The following VPS13B variants were observed in gnomAD, a reference collection of about 807,000 sequenced individuals.
The protein encoded by VPS13B is intermembrane lipid transfer protein VPS13B.
VPS13B carries 285 observed loss-of-function variants against 426.4 expected under a neutral mutation model. That is an observed-to-expected ratio of 0.67 (90% CI 0.61 to 0.74). The LOEUF (loss-of-function observed/expected upper bound fraction) is 0.74, where lower values mean the gene tolerates loss of function less well. Ranked by LOEUF, VPS13B falls within the 30% of genes least tolerant of loss-of-function variation. The pLI is 0.00. For missense variants in VPS13B, 4,537 were observed against 4,782.6 expected, an observed-to-expected ratio of 0.95 and a Z score of 1.51; for synonymous variants, 1,676 against 1,676.4, an observed-to-expected ratio of 1.00 and a Z score of 0.01.
chr8:99,544,597 G>T (rs867901710), intron 30 of VPS13B, among the ~76,000 whole-genome samples: 1 of 152,096 alleles, frequency 6.6e-6, no homozygotes, highest in Middle Eastern at 3.4e-3. Flanking sequence ...ATTGAATTGT[G>T]GAAAGAATTC....
intron 17 of VPS13B, among the ~76,000 whole-genome samples, chr8:99,212,782 A>G (rs1563606618): frequency 1.3e-5 from 2 of 152,116 alleles, no homozygotes; most frequent in Admixed American, 6.5e-5. Flanking sequence ...TCCTTATGAT[A>G]TGATTCTTTT....
Position 99,233,328 on chromosome 8 carries a change from T to G in VPS13B, c.2515+40271T>G, listed in dbSNP as rs538731419. The G allele has an allele frequency of 7.1e-5, 77 of 1,081,660 alleles. 1 individual carries two copies. In the African/African-American group the frequency reaches 1.1e-3, roughly 15 times the overall value. The allele number at this position is 1,081,660 out of a possible 1,614,324, so 67.0% of individuals were successfully genotyped here. A position where few individuals can be genotyped will look rare whatever the true frequency, so the allele number is the denominator to read the frequency against. ...CTCTGATATGGGCTTCCAGCTTCAC[T>G]TCTTCTTTGGGGTTAAAGAAGTTTT... On this transcript the variant is annotated intron_variant, in intron 17 of 61. Coordinates refer to ENST00000357162, the MANE Select transcript of VPS13B (RefSeq NM_152564.5).
chr8:99,483,874 T>C (rs1820169146), intron 25 of VPS13B, among the ~76,000 whole-genome samples: 1 of 152,058 alleles, frequency 6.6e-6, no homozygotes, highest in African/African-American at 2.4e-5. Flanking sequence ...ATACAAGGTA[T>C]AGTGTGAATC....
intron 40 of VPS13B, among the ~76,000 whole-genome samples, chr8:99,772,660 A>G (rs4735645): frequency 0.046 from 6,987 of 152,304 alleles, 172 homozygotes; most frequent in African/African-American, 0.061. Context: ...AGAAAATAGT[A>G]TGCATCATAT....
In VPS13B at chr8:99,868,599, TAC is replaced by T. The variant is rs1817224873; in HGVS notation, c.11392+138_11392+139del. On this transcript the variant is annotated intron_variant, in intron 59 of 61. Coordinates refer to ENST00000357162, the MANE Select transcript of VPS13B (RefSeq NM_152564.5). Reference sequence around the variant, plus strand: ...TCTTTCTTACCTCTCTATGCTTATTTACACAGAGTAGAATTTTACTACTAATA... The same window carrying T: ...TCTTTCTTACCTCTCTATGCTTATTTACAGAGTAGAATTTTACTACTAATA... 38 of 1,051,702 alleles carry T rather than the reference TAC, an allele frequency of 3.6e-5. 2 individuals carry two copies. In the South Asian group the frequency reaches 5.5e-4, roughly 15 times the overall value. The allele number at this position is 1,051,702 out of a possible 1,614,324, so 65.1% of individuals were successfully genotyped here.
At chr8:99,747,525 G>A (rs1364308176) in intron 39 of VPS13B, among the ~76,000 whole-genome samples, 1 of 151,954 alleles carries the variant, frequency 6.6e-6, no homozygotes, top group Non-Finnish European at 1.5e-5. Context: ...TTTTCATTCA[G>A]AAGTAAAATC....
chr8:99,642,646 T>A, intron 34 of VPS13B, 148 bp downstream of exon 34: 2 of 710,632 alleles, frequency 2.8e-6, no homozygotes, highest in Admixed American at 5.3e-5. Context: ...CACAGCTGAA[T>A]CCTGTTTAAG....
chr8:99,699,654 C>G lies in VPS13B; in HGVS notation c.6176C>G (p.Ala2059Gly), dbSNP rs756627020. 1.2e-6 allele frequency: 2 copies of G among 1,614,086 alleles called. No homozygotes were observed. Among genetic ancestry groups the G allele is most frequent in the Non-Finnish European group, 8.5e-7 (1 of 1,180,010 alleles). Residue 2059 changes from alanine (A) to glycine (G), a missense_variant, in exon 36 of 62, where the codon GCC becomes GGC. By Grantham distance (60) the Ala-to-Gly change is moderately conservative. Transcript: ENST00000357162. ...TTGGCACATAGTGAAGAGACTTCAG[C>G]CATGTCCAACACCATGGTGAATAAG... ...HSLAHSEETSAMSNTMVNKDD... is the reference protein window; with the variant it reads ...HSLAHSEETSGMSNTMVNKDD...
chr8:99,838,238 A>G (rs988490108), intron 54 of VPS13B, among the ~76,000 whole-genome samples: 13 of 152,186 alleles, frequency 8.5e-5, no homozygotes, highest in Non-Finnish European at 8.8e-5. Flanking sequence ...TGGTGCTCAT[A>G]CCCATGATTT....
At chr8:99,363,128 G>A (rs1588294137) in intron 19 of VPS13B, among the ~76,000 whole-genome samples, 1 of 152,184 alleles carries the variant, frequency 6.6e-6, no homozygotes, top group Non-Finnish European at 1.5e-5. Flanking sequence ...TAGTTTCGTA[G>A]TTTGAGGTCT....
At position 99,853,469 on chromosome 8, in the gene VPS13B, T is replaced by TA. The variant is rs386834055; in HGVS notation, c.10081dup (p.Thr3361AsnfsTer3). On this transcript the variant is annotated frameshift_variant, in exon 56 of 62. Transcript: ENST00000357162. LOFTEE classifies it high-confidence loss of function. ...CCTCTAGAGCGCCAGAGAAGATTGTTACATTTAAAATGTTCATCACTCAGT... is the reference window on the plus strand; with the variant it reads ...CCTCTAGAGCGCCAGAGAAGATTGTTAACATTTAAAATGTTCATCACTCAGT... 27 of 1,614,228 alleles carry TA rather than the reference T, an allele frequency of 1.7e-5. No individual in the cohort carries two copies. Among genetic ancestry groups the TA allele is most frequent in the Middle Eastern group, 3.3e-4 (2 of 6,062 alleles).
At chr8:99,393,534 C>T (rs1369796706) in intron 21 of VPS13B, among the ~76,000 whole-genome samples, 1 of 151,984 alleles carries the variant, frequency 6.6e-6, no homozygotes, top group East Asian at 1.9e-4. Flanking sequence ...TGTTCCCCCA[C>T]CTTTAGAACC....
chr8:99,425,599 A>T (rs1816652053), intron 21 of VPS13B, among the ~76,000 whole-genome samples: 1 of 152,206 alleles, frequency 6.6e-6, no homozygotes, highest in Non-Finnish European at 1.5e-5. Flanking sequence ...ACAAACCCAC[A>T]GCCAATATCA....
At chr8:99,115,987 TG>T (rs766034036) in intron 7 of VPS13B, 113 bp downstream of exon 7, 68 of 1,093,296 alleles carry the variant, frequency 6.2e-5, no homozygotes, top group Non-Finnish European at 7.6e-5. Context: ...TCTAATGAGA[TG>T]GGCTGATTGT....
intron 44 of VPS13B, among the ~76,000 whole-genome samples, chr8:99,814,796 C>T (rs967215183): frequency 8.5e-5 from 13 of 152,250 alleles, no homozygotes; most frequent in Middle Eastern, 3.4e-3. Context: ...GAGAGAACAG[C>T]TATTGGGAAG....
intron 17 of VPS13B, chr8:99,234,518 G>A: frequency 4.0e-6 from 2 of 500,560 alleles, no homozygotes; most frequent in Non-Finnish European, 8.0e-6. Context: ...GGCTTCCGCG[G>A]GGTTGGGGTT....
At chr8:99,397,852 C>T (rs1438881638) in intron 21 of VPS13B, among the ~76,000 whole-genome samples, 2 of 152,158 alleles carry the variant, frequency 1.3e-5, no homozygotes, top group African/African-American at 2.4e-5. Flanking sequence ...ATACTCTTGA[C>T]TAGAAGCTAG....
chr8:99,723,613 T>C lies in VPS13B; in HGVS notation c.7050+2566T>C, dbSNP rs183506484. On this transcript the variant is annotated intron_variant, in intron 39 of 61. Coordinates refer to ENST00000357162, the MANE Select transcript of VPS13B (RefSeq NM_152564.5). Reference sequence around the variant, plus strand: ...AAGCACAGGCTAGACCAAGGAGATCTGGAGTATGATGGATGACTCTACAGA... The same window carrying C: ...AAGCACAGGCTAGACCAAGGAGATCCGGAGTATGATGGATGACTCTACAGA... Among the ~76,000 whole-genome samples, 328 of 152,170 alleles carry C rather than the reference T, an allele frequency of 2.2e-3. 2 individuals are homozygous for C. Among genetic ancestry groups the C allele is most frequent in the Non-Finnish European group, 3.2e-3 (219 of 68,010 alleles).
chr8:99,704,209 T>C (rs1332988126), intron 36 of VPS13B, among the ~76,000 whole-genome samples: 1 of 152,130 alleles, frequency 6.6e-6, no homozygotes, highest in Non-Finnish European at 1.5e-5. Context: ...TAAACAAAAG[T>C]AGAGAGAGAA....
Sources: allele counts gnomAD v4.1 joint callset (sites outside exome capture counted in the v4.1 genomes callset), GRCh38; gene constraint gnomAD v4.1.1; transcripts MANE v1.5; gene names NCBI Gene and HGNC (gene_info 2026-07-23, HGNC 2026-07-21).